ENTHD1: variants seen among roughly 807,000 people sequenced by gnomAD.
ENTHD1 encodes ENTH domain containing 1.
Under a neutral mutation model 39.1 loss-of-function variants are expected in ENTHD1, and 23 were observed. The ratio of observed to expected loss-of-function variants is 0.59; its 90% CI spans 0.42 to 0.83. ENTHD1 has a LOEUF of 0.83. ENTHD1 is among the 40% of genes least tolerant of loss of function. ENTHD1 has a pLI of 0.00. For synonymous variants in ENTHD1, 230 were observed against 258.2 expected (o/e 0.89, Z 1.05); for missense variants, 624 against 705.4 (o/e 0.88, Z 1.31).
intron 1 of ENTHD1, among the ~76,000 whole-genome samples, chr22:39,890,751 C>T (rs2958649): frequency 0.11 from 16,617 of 151,934 alleles, 1,066 homozygotes; most frequent in African/African-American, 0.14. Context: ...AAATACAACC[C>T]CAACCATTAG....
chr22:39,744,598 A>G (rs2065089124), intron 6 of ENTHD1, among the ~76,000 whole-genome samples: 1 of 152,208 alleles, frequency 6.6e-6, no homozygotes, highest in African/African-American at 2.4e-5. Context: ...GAGAGAGTAG[A>G]AAAGTATTAA....
chr22:39,795,563 G>A (rs1241333383), intron 5 of ENTHD1, among the ~76,000 whole-genome samples: 1 of 151,504 alleles, frequency 6.6e-6, no homozygotes, highest in Admixed American at 6.6e-5. Flanking sequence ...AAGTAGTTGG[G>A]ACCACAGGCA....
intron 5 of ENTHD1, among the ~76,000 whole-genome samples, chr22:39,811,348 C>G (rs546219618): frequency 6.6e-6 from 1 of 152,222 alleles, no homozygotes; most frequent in Admixed American, 6.5e-5. Flanking sequence ...TAAGCTGCCC[C>G]GACACCTGGA....
At chr22:39,874,142 C>G (rs1320182207) in intron 2 of ENTHD1, 1 of 152,158 alleles carries the variant, frequency 6.6e-6, no homozygotes, top group African/African-American at 2.4e-5. Flanking sequence ...GAGAACAGCA[C>G]ACAAAAGACC....
At chr22:39,884,783 A>G (rs1447221131) in intron 2 of ENTHD1, among the ~76,000 whole-genome samples, 1 of 152,234 alleles carries the variant, frequency 6.6e-6, no homozygotes, top group Non-Finnish European at 1.5e-5. Context: ...TTTTCGATAA[A>G]TGGTAGCAGG....
At chr22:39,863,016 A>C (rs1005218285) in intron 2 of ENTHD1, among the ~76,000 whole-genome samples, 1 of 152,202 alleles carries the variant, frequency 6.6e-6, no homozygotes, top group Non-Finnish European at 1.5e-5. Flanking sequence ...CAGAGGATGC[A>C]GCATCAAGGC....
At position 39,861,987 on chromosome 22, in the gene ENTHD1, AT is replaced by A; in HGVS notation, c.369del (p.Lys123AsnfsTer9). 1.3e-6 allele frequency: 2 copies of A among 1,494,046 alleles called. No individual in the cohort carries two copies. Among genetic ancestry groups the A allele is most frequent in the South Asian group, 1.4e-5 (1 of 69,268 alleles). 92.5% of individuals were successfully genotyped at this position (1,494,046 alleles called of 1,614,324 possible). A position where few individuals can be genotyped will look rare whatever the true frequency, so the allele number is the denominator to read the frequency against. ...ATCAGCAATGTGATGACTTGCTTAG[AT>A]TTTTCCCGGATATAATAACCTGAAA... ...GKDQGYYIRE[K>X]SKQVITLLMD... On this transcript the variant is annotated frameshift_variant, in exon 3 of 7. Coordinates refer to ENST00000325157, the MANE Select transcript of ENTHD1 (RefSeq NM_152512.4). LOFTEE classifies it high-confidence loss of function.
At chr22:39,826,941 T>C (rs960324230) in intron 4 of ENTHD1, among the ~76,000 whole-genome samples, 1 of 151,786 alleles carries the variant, frequency 6.6e-6, no homozygotes, top group Non-Finnish European at 1.5e-5. Flanking sequence ...GGTATAATCT[T>C]GGCTCAAGCT....
chr22:39,796,446 A>C (rs373085682), intron 5 of ENTHD1, among the ~76,000 whole-genome samples: 3 of 151,788 alleles, frequency 2.0e-5, no homozygotes, highest in Admixed American at 6.6e-5. Flanking sequence ...TTTTTTGTAG[A>C]GATGGTGGAG....
chr22:39,870,251 C>T (rs1418933192), intron 2 of ENTHD1, among the ~76,000 whole-genome samples: 1 of 151,956 alleles, frequency 6.6e-6, no homozygotes, highest in Non-Finnish European at 1.5e-5. Flanking sequence ...TCAAGTGATC[C>T]ACCTGCCTTG....
At chr22:39,769,111 TACAC>T (rs1218336318) in intron 5 of ENTHD1, among the ~76,000 whole-genome samples, 3 of 152,098 alleles carry the variant, frequency 2.0e-5, no homozygotes, top group Admixed American at 2.0e-4. Context: ...TGTACACATA[TACAC>T]ACCGGTGTAT....
At chr22:39,888,260 CTTTTTTT>C (rs61092462) in intron 1 of ENTHD1, among the ~76,000 whole-genome samples, 4,651 of 110,652 alleles carry the variant, frequency 0.042, 129 homozygotes, top group Admixed American at 0.099. Context: ...TTCTTTCTTT[CTTTTTTT>C]TTTTTTTTTT....
At chr22:39,850,126 AT>A (rs1045194521) in intron 3 of ENTHD1, among the ~76,000 whole-genome samples, 18 of 152,186 alleles carry the variant, frequency 1.2e-4, no homozygotes, top group African/African-American at 4.1e-4. Flanking sequence ...TAAAATCCAT[AT>A]TAAAAAAAGT....
intron 3 of ENTHD1, among the ~76,000 whole-genome samples, chr22:39,840,399 T>A (rs2065934800): frequency 6.6e-6 from 1 of 152,172 alleles, no homozygotes; most frequent in Non-Finnish European, 1.5e-5. Context: ...CTCCGATATT[T>A]CTTAGATGAG....
Position 39,875,591 on chromosome 22 carries a change from A to C in ENTHD1, c.349+11809T>G. ...CCGCCTTGAAGTTTTAGATAGTACG[A>C]AGTCTTCAAGAGAAAGCACCGAGGC... On this transcript the variant is annotated intron_variant, in intron 2 of 6. Transcript: ENST00000325157. 2.5e-6 allele frequency: 4 copies of C among 1,611,764 alleles called. 1 individual carries two copies. Among genetic ancestry groups the C allele is most frequent in the Non-Finnish European group, 3.4e-6 (4 of 1,179,040 alleles).
At chr22:39,765,194 G>C in intron 6 of ENTHD1, 29 bp downstream of exon 6, 1 of 1,549,066 alleles carries the variant, frequency 6.5e-7, no homozygotes, top group South Asian at 1.2e-5. Context: ...GTGTGTGTGT[G>C]TGTGTGTGTG....
chr22:39,769,501 G>A (rs1376848192), intron 5 of ENTHD1, among the ~76,000 whole-genome samples: 1 of 152,156 alleles, frequency 6.6e-6, no homozygotes, highest in Non-Finnish European at 1.5e-5. Flanking sequence ...CTGGTTGAGG[G>A]TTGACTCTGG....
At chr22:39,781,684 G>A (rs1326238881) in intron 5 of ENTHD1, among the ~76,000 whole-genome samples, 1 of 151,574 alleles carries the variant, frequency 6.6e-6, no homozygotes, top group Non-Finnish European at 1.5e-5. Flanking sequence ...ACAAATGAGA[G>A]ACTAAAAAAG....
At chr22:39,747,248 C>T (rs901276944) in intron 6 of ENTHD1, among the ~76,000 whole-genome samples, 26 of 152,268 alleles carry the variant, frequency 1.7e-4, no homozygotes, top group African/African-American at 5.5e-4. Context: ...CTCAGCCTCC[C>T]GAAGCTGGGA....
Sources: allele counts gnomAD v4.1 joint callset (sites outside exome capture counted in the v4.1 genomes callset), GRCh38; gene constraint gnomAD v4.1.1; transcripts MANE v1.5; gene names NCBI Gene and HGNC (gene_info 2026-07-23, HGNC 2026-07-21).